The following SUGCT variants were observed in gnomAD, a reference collection of about 807,000 sequenced individuals.
The protein encoded by SUGCT is succinyl-CoA:glutarate-CoA transferase, also known as succinyl-CoA:glutarate CoA-transferase.
Under a neutral mutation model 55.0 loss-of-function variants are expected in SUGCT, and 41 were observed. The observed-to-expected ratio is 0.74, with a 90% CI of 0.58 to 0.97. SUGCT has a LOEUF of 0.97. Ranked by LOEUF, SUGCT falls within the 50% of genes least tolerant of loss-of-function variation. The pLI is 0.00. For missense variants in SUGCT, 568 were observed against 547.8 expected (o/e 1.04, Z -0.37); for synonymous variants, 187 against 200.4 (o/e 0.93, Z 0.56).
chr7:40,365,392 A>G (rs1419865374), intron 9 of SUGCT, among the ~76,000 whole-genome samples: 4 of 151,734 alleles, frequency 2.6e-5, no homozygotes, highest in Non-Finnish European at 2.9e-5. Context: ...TATTCAACAT[A>G]GTGTTGGAAG....
chr7:40,894,272 G>C, the SUGCT span, among the ~76,000 whole-genome samples: 1 of 152,082 alleles, frequency 6.6e-6, no homozygotes, highest in African/African-American at 2.4e-5. Flanking sequence ...GTCATAACTG[G>C]CTAGCCATAT....
chr7:40,167,631 G>A (rs924688729), intron 1 of SUGCT, among the ~76,000 whole-genome samples: 4 of 152,160 alleles, frequency 2.6e-5, no homozygotes, highest in African/African-American at 4.8e-5. Flanking sequence ...TGTGGGTCAC[G>A]GAAGAGAACT....
intron 12 of SUGCT, among the ~76,000 whole-genome samples, chr7:40,673,942 C>G (rs1802066181): frequency 6.6e-6 from 1 of 152,144 alleles, no homozygotes; most frequent in East Asian, 1.9e-4. Flanking sequence ...ACGACCCAAA[C>G]TCATTTTCTG....
downstream of SUGCT, among the ~76,000 whole-genome samples, chr7:40,862,663 T>C (rs1794513125): frequency 6.6e-6 from 1 of 152,116 alleles, no homozygotes; most frequent in Admixed American, 6.5e-5. Flanking sequence ...GAAAATTTTC[T>C]GAAACTCAGT....
intron 12 of SUGCT, among the ~76,000 whole-genome samples, chr7:40,609,144 C>T (rs140245446): frequency 1.3e-5 from 2 of 152,084 alleles, no homozygotes; most frequent in East Asian, 3.9e-4. Flanking sequence ...CTCTTTGAGC[C>T]CTAGTATCCT....
the SUGCT span, among the ~76,000 whole-genome samples, chr7:41,003,073 A>G: frequency 6.6e-6 from 1 of 152,202 alleles, no homozygotes; most frequent in Admixed American, 6.5e-5. Flanking sequence ...ATAAAGTTTA[A>G]GAAAGATGAA....
chr7:40,725,659 C>T (rs181353905), intron 12 of SUGCT, among the ~76,000 whole-genome samples: 1 of 151,660 alleles, frequency 6.6e-6, no homozygotes, highest in Admixed American at 6.6e-5. Context: ...TGATATGCTT[C>T]CTCCTAATGG....
chr7:40,464,446 T>C (rs1350326135), intron 11 of SUGCT, among the ~76,000 whole-genome samples: 2 of 152,020 alleles, frequency 1.3e-5, no homozygotes, highest in Non-Finnish European at 2.9e-5. Context: ...AGATAAATCT[T>C]GAGGGACAAA....
the SUGCT span, among the ~76,000 whole-genome samples, chr7:40,993,398 C>G: frequency 6.6e-6 from 1 of 152,098 alleles, no homozygotes; most frequent in Non-Finnish European, 1.5e-5. Context: ...GAGCTGAATG[C>G]GAGAGGCTTA....
chr7:40,890,195 T>C, the SUGCT span, among the ~76,000 whole-genome samples: 1 of 145,480 alleles, frequency 6.9e-6, no homozygotes, highest in Non-Finnish European at 1.5e-5. Flanking sequence ...TTATTTATTA[T>C]ATAAATATTT....
chr7:40,549,076 G>T (rs1795164298), intron 12 of SUGCT, among the ~76,000 whole-genome samples: 1 of 152,018 alleles, frequency 6.6e-6, no homozygotes. Flanking sequence ...TCCTTCTGAT[G>T]GCCCTCTTGG....
chr7:40,873,993 T>A, the SUGCT span, among the ~76,000 whole-genome samples: 1 of 151,658 alleles, frequency 6.6e-6, no homozygotes, highest in Non-Finnish European at 1.5e-5. Context: ...ACTAAGAGTG[T>A]TACATGCAGA....
At chr7:40,240,494 A>AG (rs2150887234) in intron 7 of SUGCT, among the ~76,000 whole-genome samples, 1 of 152,258 alleles carries the variant, frequency 6.6e-6, no homozygotes, top group East Asian at 1.9e-4. Flanking sequence ...CAAAAAAAAA[A>AG]AGAAAAGAAT....
intron 12 of SUGCT, among the ~76,000 whole-genome samples, chr7:40,610,828 G>A (rs1798734904): frequency 6.6e-6 from 1 of 152,150 alleles, no homozygotes; most frequent in Admixed American, 6.5e-5. Context: ...GAATTTAGTT[G>A]TGTTTAAGAC....
chr7:40,771,217 C>G (rs1004161233), intron 13 of SUGCT, among the ~76,000 whole-genome samples: 2 of 152,108 alleles, frequency 1.3e-5, no homozygotes, highest in Non-Finnish European at 2.9e-5. Flanking sequence ...ATTTCCCCCC[C>G]AACACTCACC....
At chr7:40,584,070 A>G (rs995760966) in intron 12 of SUGCT, among the ~76,000 whole-genome samples, 1 of 152,172 alleles carries the variant, frequency 6.6e-6, no homozygotes. Flanking sequence ...AAAAGGTCAT[A>G]CAGTGTGGCG....
intron 13 of SUGCT, among the ~76,000 whole-genome samples, chr7:40,829,439 A>G (rs1792539812): frequency 6.6e-6 from 1 of 152,180 alleles, no homozygotes; most frequent in South Asian, 2.1e-4. Context: ...GCTGAGCCCC[A>G]ATTTTGGGAT....
At chr7:40,695,201 T>TTATTTATC (rs1039367169) in intron 12 of SUGCT, among the ~76,000 whole-genome samples, 3 of 150,024 alleles carry the variant, frequency 2.0e-5, no homozygotes, top group Non-Finnish European at 4.4e-5. Context: ...ATTTATTTAT[T>TTATTTATC]TATTTATTTA....
intron 8 of SUGCT, among the ~76,000 whole-genome samples, chr7:40,281,206 A>G (rs1283967886): frequency 1.3e-5 from 2 of 150,680 alleles, no homozygotes; most frequent in Non-Finnish European, 2.9e-5. Context: ...TAATTGATAG[A>G]TCAGCTCTAG....
Sources: gnomAD v4.1 joint callset for allele counts (sites outside exome capture counted in the v4.1 genomes callset) on GRCh38, gnomAD v4.1.1 for gene constraint, MANE v1.5 for transcripts, NCBI Gene and HGNC (gene_info 2026-07-23, HGNC 2026-07-21) for gene names.